ESF1: variants seen among roughly 807,000 people sequenced by gnomAD.
The protein encoded by ESF1 is ESF1 homolog.
In ESF1, 58 loss-of-function variants were observed where a neutral mutation model predicts 92.0. That is an observed-to-expected ratio of 0.63 (90% CI 0.51 to 0.78). The LOEUF (loss-of-function observed/expected upper bound fraction) is 0.78, where lower values mean the gene tolerates loss of function less well. Ranked by LOEUF, ESF1 falls within the 30% of genes least tolerant of loss-of-function variation. The pLI, the probability that ESF1 is intolerant of heterozygous loss-of-function variation, is 0.00. For missense variants in ESF1, 922 were observed against 989.1 expected, an observed-to-expected ratio of 0.93 and a Z score of 0.91; for synonymous variants, 321 against 313.7, an observed-to-expected ratio of 1.02 and a Z score of -0.24.
chr20:13,746,276 T>C (rs2050047724), intron 9 of ESF1, among the ~76,000 whole-genome samples: 1 of 152,230 alleles, frequency 6.6e-6, no homozygotes, highest in Non-Finnish European at 1.5e-5. Context: ...ATTTTATTTT[T>C]CTTTAAACTG....
At chr20:13,743,698 A>G (rs2050029981) in intron 9 of ESF1, among the ~76,000 whole-genome samples, 1 of 152,172 alleles carries the variant, frequency 6.6e-6, no homozygotes, top group Non-Finnish European at 1.5e-5. Context: ...CAAAGAGTAA[A>G]ACAATGGTTG....
intron 7 of ESF1, among the ~76,000 whole-genome samples, chr20:13,768,442 C>T (rs2068661419): frequency 6.6e-6 from 1 of 152,034 alleles, no homozygotes; most frequent in Non-Finnish European, 1.5e-5. Flanking sequence ...ATTAGCTGGG[C>T]ATGGTGGCGT....
intron 9 of ESF1, among the ~76,000 whole-genome samples, chr20:13,742,793 C>T (rs1311732136): frequency 6.6e-6 from 1 of 152,132 alleles, no homozygotes; most frequent in Admixed American, 6.5e-5. Flanking sequence ...CCCACATTAA[C>T]AAAGTTAACA....
At chr20:13,767,222 C>A (rs1440704784) in intron 7 of ESF1, among the ~76,000 whole-genome samples, 1 of 152,024 alleles carries the variant, frequency 6.6e-6, no homozygotes, top group African/African-American at 2.4e-5. Context: ...AGAAAATGTA[C>A]TGGTAAAAGA....
At position 13,714,927 on chromosome 20, in the gene ESF1, T is replaced by C. The variant is rs374719866; in HGVS notation, c.2503A>G (p.Ile835Val). Reference sequence around the variant, plus strand: ...TGAAACTGCTCTGTTTTGGTTTTTATAGATTTAATCAACATTGACAAAGCA... The same window carrying C: ...TGAAACTGCTCTGTTTTGGTTTTTACAGATTTAATCAACATTGACAAAGCA... ...DPALSMLIKS[I>V]KTKTEQFQAR... Residue 835 changes from isoleucine (I) to valine (V), a missense_variant, in exon 14 of 14, where the codon ATA (isoleucine) becomes GTA (valine). Transcript: ENST00000617257. 5.0e-6 allele frequency: 8 copies of C among 1,613,148 alleles called. No individual in the cohort carries two copies. The African/African-American group carries it at 8.0e-5, about 16-fold the overall frequency.
At chr20:13,725,635 T>A (rs1343212893) in intron 11 of ESF1, among the ~76,000 whole-genome samples, 2 of 152,146 alleles carry the variant, frequency 1.3e-5, no homozygotes, top group African/African-American at 4.8e-5. Flanking sequence ...CAGGTAGCAC[T>A]TCCTCCAGTA....
At chr20:13,743,482 T>C (rs1216139938) in intron 9 of ESF1, among the ~76,000 whole-genome samples, 5 of 152,180 alleles carry the variant, frequency 3.3e-5, no homozygotes, top group Non-Finnish European at 5.9e-5. Flanking sequence ...ACAACCTAAG[T>C]GTCCATCAGC....
At chr20:13,770,481 C>T (rs1336153294) in intron 6 of ESF1, among the ~76,000 whole-genome samples, 1 of 152,170 alleles carries the variant, frequency 6.6e-6, no homozygotes, top group African/African-American at 2.4e-5. Flanking sequence ...CGATCCTCTA[C>T]AGGTGTGCGC....
chr20:13,771,461 C>T lies in ESF1; in HGVS notation c.1273G>A (p.Asp425Asn). 6.2e-7 allele frequency: 1 copy of T among 1,612,814 alleles called. No individual in the cohort carries two copies. The highest frequency in any genetic ancestry group is 8.5e-7 in the Non-Finnish European group (1 of 1,179,336). ...KDWTSREKLR[D>N]YQFKRLKYYY... ...TACTTCAGTCGTTTGAATTGATAAT[C>T]TCTCAATTTTTCTCTAGACGTCCTA... Residue 425 changes from aspartate to asparagine, a missense_variant, in exon 6 of 14, where the codon GAT (aspartate) becomes AAT (asparagine). By Grantham distance (23) the Asp-to-Asn change is conservative. Coordinates refer to ENST00000617257, the MANE Select transcript of ESF1 (RefSeq NM_001276380.2).
chr20:13,780,678 T>TCTCGGCCTATCAAGACCC (rs1198765225), intron 2 of ESF1, among the ~76,000 whole-genome samples: 1 of 152,150 alleles, frequency 6.6e-6, no homozygotes, highest in Non-Finnish European at 1.5e-5. Context: ...TATCAAGACC[T>TCTCGGCCTATCAAGACCC]CTCGGCCTAT....
intron 13 of ESF1, among the ~76,000 whole-genome samples, chr20:13,716,364 T>C (rs971360090): frequency 1.5e-4 from 23 of 152,204 alleles, no homozygotes; most frequent in Non-Finnish European, 2.6e-4. Flanking sequence ...CTTACTGCGC[T>C]GGCCACTGCA....
Position 13,728,417 on chromosome 20 carries a change from A to G in ESF1, c.1999T>C (p.Leu667=), listed in dbSNP as rs750669541. The change falls in exon 11 of 14, where the codon TTG becomes CTG. Residue 667 remains leucine (L), a synonymous_variant. Transcript: ENST00000617257. ...SEEELPSDVD[L]NDPYFAEEVK... ...TCTTCAGCAAAGTATGGGTCATTCA[A>G]ATCAACATCAGAGGGAAGTTCCTCT... The G allele has an allele frequency of 5.0e-5, 80 of 1,613,202 alleles. No homozygotes were observed. Among genetic ancestry groups the G allele is most frequent in the Non-Finnish European group, 6.3e-5 (74 of 1,179,652 alleles).
intron 9 of ESF1, among the ~76,000 whole-genome samples, chr20:13,749,387 T>C (rs1978517982): frequency 6.6e-6 from 1 of 151,850 alleles, no homozygotes; most frequent in Admixed American, 6.6e-5. Flanking sequence ...GCATATACCT[T>C]CAAAGTGTAT....
intron 3 of ESF1, among the ~76,000 whole-genome samples, chr20:13,775,608 T>A (rs1278250511): frequency 6.6e-6 from 1 of 152,168 alleles, no homozygotes; most frequent in Non-Finnish European, 1.5e-5. Flanking sequence ...TTCTTTTGGG[T>A]GCCGTACAAA....
chr20:13,738,885 C>T (rs2049993255), intron 9 of ESF1, among the ~76,000 whole-genome samples: 2 of 152,116 alleles, frequency 1.3e-5, no homozygotes, highest in South Asian at 4.1e-4. Context: ...AATTTGTTCC[C>T]AACCTTACAG....
intron 9 of ESF1, among the ~76,000 whole-genome samples, chr20:13,738,939 C>A (rs759488180): frequency 6.6e-6 from 1 of 152,150 alleles, no homozygotes; most frequent in Non-Finnish European, 1.5e-5. Flanking sequence ...AAATAACTAG[C>A]CTTGTGAACA....
At chr20:13,775,723 ATAAT>A in intron 3 of ESF1, 146 bp downstream of exon 3, 1 of 888,722 alleles carries the variant, frequency 1.1e-6, no homozygotes, top group Non-Finnish European at 1.6e-6. Context: ...TCTAGTTCAT[ATAAT>A]TATATTCCAT....
intron 8 of ESF1, among the ~76,000 whole-genome samples, chr20:13,760,867 C>T (rs569854788): frequency 6.6e-4 from 101 of 152,368 alleles, no homozygotes; most frequent in African/African-American, 2.0e-3. Flanking sequence ...GCCACCACCC[C>T]GTCTGGGAGG....
At chr20:13,776,347 CA>C in intron 2 of ESF1, 77 bp from the exon 3 acceptor site, 1 of 1,317,406 alleles carries the variant, frequency 7.6e-7, no homozygotes, top group South Asian at 1.5e-5. Flanking sequence ...ATCTTGACAT[CA>C]ACTCCAGTAA....
Sources: gnomAD v4.1 joint callset for allele counts (sites outside exome capture counted in the v4.1 genomes callset) on GRCh38, gnomAD v4.1.1 for gene constraint, MANE v1.5 for transcripts, NCBI Gene and HGNC (gene_info 2026-07-23, HGNC 2026-07-21) for gene names.